SIPA1: variants seen among roughly 807,000 people sequenced by gnomAD.
SIPA1 encodes the protein signal-induced proliferation-associated protein 1.
A neutral mutation model predicts 88.1 loss-of-function variants in SIPA1; 51 were observed. The ratio of observed to expected loss-of-function variants is 0.58; its 90% CI spans 0.46 to 0.73. The LOEUF is 0.73. Among genes scored for constraint, SIPA1 ranks in the 30% least tolerant of loss-of-function variants. SIPA1 has a pLI of 0.00. For synonymous variants in SIPA1, 681 were observed against 664.8 expected (o/e 1.02, Z -0.37); for missense variants, 1,348 against 1,467.6 (o/e 0.92, Z 1.33).
In SIPA1 at chr11:65,646,556, C is replaced by A; in HGVS notation, c.1522C>A (p.Leu508Met). Residue 508 changes from leucine to methionine, a missense_variant, in exon 8 of 16, where the codon CTG (leucine) becomes ATG (methionine). This residue lies in a region of SIPA1 where 641 missense variants were observed against 797.7 expected (regional missense o/e 0.80). Coordinates refer to ENST00000534313, the MANE Select transcript of SIPA1 (RefSeq NM_006747.4). The surrounding 1 kb of genome is among the most constrained non-coding windows in gnomAD (Gnocchi z 7.5). ...CAACGCCGACTTCCGGGCCTTCCTG[C>A]TGGCCAAAGCGCTGAATGGTGAGCA... ...AANADFRAFL[L>M]AKALNGEQAA... 1.3e-6 allele frequency: 2 copies of A among 1,553,392 alleles called. No homozygotes were observed. The highest frequency in any genetic ancestry group is 8.7e-7 in the Non-Finnish European group (1 of 1,155,310).
Position 65,644,950 on chromosome 11 carries a change from C to A in SIPA1, c.985-5C>A. ...AGACCTATGCCTTCTGTCTCCCACC[C>A]ACAGCTGAGCTTCCAACGCAAGGTG... On this transcript the variant is annotated splice_region_variant and splice_polypyrimidine_tract_variant and intron_variant, in intron 4 of 15. Coordinates refer to ENST00000534313, the MANE Select transcript of SIPA1 (RefSeq NM_006747.4). The A allele has an allele frequency of 6.2e-7, 1 of 1,610,426 alleles. No individual in the cohort carries two copies. Among genetic ancestry groups the A allele is most frequent in the Admixed American group, 1.7e-5 (1 of 59,828 alleles).
intron 9 of SIPA1, 113 bp from the exon 10 acceptor site, chr11:65,649,149 T>A (rs1856198999): frequency 1.4e-6 from 1 of 731,116 alleles, no homozygotes; most frequent in African/African-American, 1.8e-5. Context: ...GTTGTCAGGA[T>A]GCCGGGGAGC....
At position 65,646,387 on chromosome 11, in the gene SIPA1, C is replaced by G; in HGVS notation, c.1421+9C>G. The G allele has an allele frequency of 6.2e-7, 1 of 1,607,864 alleles. No homozygotes were observed. The highest frequency in any genetic ancestry group is 8.5e-7 in the Non-Finnish European group (1 of 1,179,658). On this transcript the variant is annotated intron_variant, in intron 7 of 15. Transcript: ENST00000534313. This position sits in a 1 kb window ranked among gnomAD's most constrained non-coding sequence, Gnocchi z 7.5. Reference sequence around the variant, plus strand: ...CCACACACCACCTACAGGTGGGCACCGGAGTGGTCCCAGGTCTCCCGTGGG... The same window carrying G: ...CCACACACCACCTACAGGTGGGCACGGGAGTGGTCCCAGGTCTCCCGTGGG...
Position 65,646,055 on chromosome 11 carries a change from C to T in SIPA1, c.1263+98C>T. ...AGCTTTGGCCGGAGCTCTGTTGGCC[C>T]CAACAGCCCGCCCCTCTGGTGGCCC... On this transcript the variant is annotated intron_variant, in intron 6 of 15. Transcript: ENST00000534313. This position sits in a 1 kb window ranked among gnomAD's most constrained non-coding sequence, Gnocchi z 7.5. 7.9e-7 allele frequency: 1 copy of T among 1,262,028 alleles called. No individual in the cohort carries two copies. Among genetic ancestry groups the T allele is most frequent in the South Asian group, 1.3e-5 (1 of 75,472 alleles). 78.2% of individuals were successfully genotyped at this position (1,262,028 alleles called of 1,614,324 possible). A position where few individuals can be genotyped will look rare whatever the true frequency, so the allele number is the denominator to read the frequency against.
Position 65,642,437 on chromosome 11 carries a change from T to C in SIPA1, c.808-26T>C. The C allele has an allele frequency of 6.2e-7, 1 of 1,606,256 alleles. No individual in the cohort carries two copies. The highest frequency in any genetic ancestry group is 8.5e-7 in the Non-Finnish European group (1 of 1,175,988). On this transcript the variant is annotated intron_variant, in intron 3 of 15. Transcript: ENST00000534313. The surrounding 1 kb of genome is among the most constrained non-coding windows in gnomAD (Gnocchi z 6.5). Reference sequence around the variant, plus strand: ...CCTCCCCGACACCTTGTATGCATCCTGAGTGCCCTTACACCCCTTCCTCAG... The same window carrying C: ...CCTCCCCGACACCTTGTATGCATCCCGAGTGCCCTTACACCCCTTCCTCAG...
chr11:65,642,116 G>A lies in SIPA1; in HGVS notation c.680-134G>A, dbSNP rs1856016062. On this transcript the variant is annotated intron_variant, in intron 2 of 15. Coordinates refer to ENST00000534313, the MANE Select transcript of SIPA1 (RefSeq NM_006747.4). The surrounding 1 kb of genome is among the most constrained non-coding windows in gnomAD (Gnocchi z 6.5). ...GATATTGAGCTCGGGGCTACAGAGGGGCGGGACTTAGTCTAGGGTCAACAT... is the reference window on the plus strand; with the variant it reads ...GATATTGAGCTCGGGGCTACAGAGGAGCGGGACTTAGTCTAGGGTCAACAT... The A allele has an allele frequency of 1.6e-6, 2 of 1,260,266 alleles. No individual in the cohort carries two copies. The highest frequency in any genetic ancestry group is 2.2e-6 in the Non-Finnish European group (2 of 913,232). 78.1% of individuals were successfully genotyped at this position (1,260,266 alleles called of 1,614,324 possible).
At chr11:65,649,218 C>A in intron 9 of SIPA1, 44 bp from the exon 10 acceptor site, 2 of 1,381,316 alleles carry the variant, frequency 1.4e-6, no homozygotes, top group Non-Finnish European at 2.0e-6. Flanking sequence ...ATGCAGGACG[C>A]TGGGGACTGG....
Position 65,647,418 on chromosome 11 carries a change from C to A in SIPA1, c.2066C>A (p.Ala689Glu), listed in dbSNP as rs1291883310. 4.1e-6 allele frequency: 6 copies of A among 1,471,020 alleles called. No individual in the cohort carries two copies. The highest frequency in any genetic ancestry group is 4.5e-6 in the Non-Finnish European group (5 of 1,118,340). The allele number at this position is 1,471,020 out of a possible 1,614,324, so 91.1% of individuals were successfully genotyped here. A position where few individuals can be genotyped will look rare whatever the true frequency, so the allele number is the denominator to read the frequency against. Residue 689 changes from alanine to glutamate, a missense_variant, in exon 9 of 16, where the codon GCG becomes GAG. Around this residue, in one of 4 missense-constraint regions of SIPA1, gnomAD observed 615 missense variants for 559.8 expected, o/e 1.10. Transcript: ENST00000534313. ...VSRGCETREL[A>E]LPRDGQGRLG... Reference sequence around the variant, plus strand: ...CGTGGCTGCGAGACCCGCGAGCTGGCGCTGCCCCGCGACGGTCAAGGCCGC... The same window carrying A: ...CGTGGCTGCGAGACCCGCGAGCTGGAGCTGCCCCGCGACGGTCAAGGCCGC...
In SIPA1 at chr11:65,638,501, C is replaced by T. The variant is rs978454660; in HGVS notation, c.-92+319C>T. 7.7e-4 allele frequency: 118 copies of T among 152,392 alleles called. 1 individual carries two copies. The highest frequency in any genetic ancestry group is 3.8e-4 in the Non-Finnish European group (26 of 68,094). 9.4% of individuals were successfully genotyped at this position (152,392 alleles called of 1,614,324 possible). A position where few individuals can be genotyped will look rare whatever the true frequency, so the allele number is the denominator to read the frequency against. The stretch of plus-strand genomic sequence containing the variant: ...CTCAACACTGCAAGTGTGTGCGGGG[C>T]TCCCCCTTATTCTGAGGCTCCTCTT... On this transcript the variant is annotated intron_variant, in intron 1 of 15. Transcript: ENST00000534313.
At chr11:65,645,980 G>C (rs1280459029) in intron 6 of SIPA1, 23 bp downstream of exon 6, 1 of 1,566,790 alleles carries the variant, frequency 6.4e-7, no homozygotes, top group Admixed American at 1.7e-5. Context: ...CCAACGTGGG[G>C]GTGGGGCTTC....
In SIPA1 at chr11:65,642,132, G is replaced by A; in HGVS notation, c.680-118G>A. ...CTACAGAGGGGCGGGACTTAGTCTA[G>A]GGTCAACATTTGGTGGTGAGATGAA... On this transcript the variant is annotated intron_variant, in intron 2 of 15. Transcript: ENST00000534313. This position sits in a 1 kb window ranked among gnomAD's most constrained non-coding sequence, Gnocchi z 6.5. 2 of 1,377,314 alleles carry A rather than the reference G, an allele frequency of 1.5e-6. No homozygotes were observed. The highest frequency in any genetic ancestry group is 2.0e-6 in the Non-Finnish European group (2 of 1,015,168). 85.3% of individuals were successfully genotyped at this position (1,377,314 alleles called of 1,614,324 possible). A position where few individuals can be genotyped will look rare whatever the true frequency, so the allele number is the denominator to read the frequency against.
Position 65,645,851 on chromosome 11 carries a change from C to A in SIPA1, c.1160-3C>A. 1 of 1,607,652 alleles carries A rather than the reference C, an allele frequency of 6.2e-7. No individual in the cohort carries two copies. Among genetic ancestry groups the A allele is most frequent in the Non-Finnish European group, 8.5e-7 (1 of 1,175,864 alleles). On this transcript the variant is annotated splice_polypyrimidine_tract_variant and splice_region_variant and intron_variant, in intron 5 of 15. Coordinates refer to ENST00000534313, the MANE Select transcript of SIPA1 (RefSeq NM_006747.4). ...TTCTGTGTCCCTAACTTCCTGGCCA[C>A]AGCGGATTCCACAGGCACGCACTCC... is the stretch of plus-strand genomic sequence containing the variant.
In SIPA1 at chr11:65,649,817, G is replaced by A. The variant is rs779327985; in HGVS notation, c.2698G>A (p.Ala900Thr). Residue 900 changes from alanine to threonine, a missense_variant, in exon 12 of 16, where the codon GCC (alanine) becomes ACC (threonine). By Grantham distance (58) the Ala-to-Thr change is moderately conservative. Around this residue, in one of 4 missense-constraint regions of SIPA1, gnomAD observed 615 missense variants for 559.8 expected, o/e 1.10. Transcript: ENST00000534313. Reference sequence around the variant, plus strand: ...GGGCAACCCGGCGCCGGAGCTGAGGGCCTCCTTTCTGCCACGTACCTTGTC... The same window carrying A: ...GGGCAACCCGGCGCCGGAGCTGAGGACCTCCTTTCTGCCACGTACCTTGTC... ...DKGNPAPELR[A>T]SFLPRTLSLR... 4 of 1,614,004 alleles carry A rather than the reference G, an allele frequency of 2.5e-6. No homozygotes were observed. Among genetic ancestry groups the A allele is most frequent in the Admixed American group, 1.7e-5 (1 of 60,004 alleles).
chr11:65,648,441 T>C lies in SIPA1; in HGVS notation c.2306+783T>C, dbSNP rs373674928. On this transcript the variant is annotated intron_variant, in intron 9 of 15. Coordinates refer to ENST00000534313, the MANE Select transcript of SIPA1 (RefSeq NM_006747.4). ...TCGTAGGTAAATGAATAAATAAATG[T>C]GCCTGTGTCTCGCTAAAACTTTATA... Among the ~76,000 whole-genome samples the C allele has an allele frequency of 2.0e-4, 30 of 152,346 alleles. No homozygotes were observed. In the East Asian group the frequency reaches 2.1e-3, roughly 11 times the overall value.
rs1291014028 is a variant in SIPA1 at position 65,649,600 on chromosome 11, C to A, written c.2565C>A (p.Thr855=). The change falls in exon 11 of 16, where the codon ACC becomes ACA. Residue 855 remains threonine, a synonymous_variant. Coordinates refer to ENST00000534313, the MANE Select transcript of SIPA1 (RefSeq NM_006747.4). ...AGGCCCCAGTCCTGCCCAACACCACCCCGGACCTCCTCCTGGCCACCACAG... is the reference window on the plus strand; with the variant it reads ...AGGCCCCAGTCCTGCCCAACACCACACCGGACCTCCTCCTGGCCACCACAG... The part of the protein sequence containing the change: ...SDEAPVLPNT[T]PDLLLATTAK... The A allele has an allele frequency of 5.0e-6, 8 of 1,614,002 alleles. No homozygotes were observed. The Admixed American group carries it at 1.2e-4, about 24-fold the overall frequency.
intron 1 of SIPA1, among the ~76,000 whole-genome samples, chr11:65,639,552 C>A (rs1282866179): frequency 6.6e-6 from 1 of 152,110 alleles, no homozygotes; most frequent in Non-Finnish European, 1.5e-5. Flanking sequence ...GTGTGTGGAG[C>A]CCCTCCTCCA....
At chr11:65,650,337 G>A in intron 14 of SIPA1, 64 bp from the exon 15 acceptor site, 1 of 1,572,752 alleles carries the variant, frequency 6.4e-7, no homozygotes, top group South Asian at 1.1e-5. Flanking sequence ...AGCTGGGGCT[G>A]GGAGTCAGCT....
chr11:65,647,688 G>C lies in SIPA1; in HGVS notation c.2306+30G>C, dbSNP rs1025171970. 9.1e-6 allele frequency: 12 copies of C among 1,320,894 alleles called. No homozygotes were observed. The African/African-American group carries it at 1.6e-4, about 17-fold the overall frequency. The allele number at this position is 1,320,894 out of a possible 1,614,324, so 81.8% of individuals were successfully genotyped here. ...GGGTGCCGGGGACGCGGGGAGGTGGGAGGGCCGGCAGTTGGCCACCGCGCA... is the reference window on the plus strand; with the variant it reads ...GGGTGCCGGGGACGCGGGGAGGTGGCAGGGCCGGCAGTTGGCCACCGCGCA... On this transcript the variant is annotated intron_variant, in intron 9 of 15. Coordinates refer to ENST00000534313, the MANE Select transcript of SIPA1 (RefSeq NM_006747.4).
At chr11:65,649,178 G>C (rs1233224445) in intron 9 of SIPA1, 84 bp from the exon 10 acceptor site, 2 of 1,003,474 alleles carry the variant, frequency 2.0e-6, no homozygotes, top group Admixed American at 5.8e-5. Context: ...TCCTGGAAGT[G>C]AGCCTGGCGG....
Sources: gnomAD v4.1 joint callset for allele counts (sites outside exome capture counted in the v4.1 genomes callset) on GRCh38, gnomAD v4.1.1 for gene constraint, gnomAD v4.1.1 regional missense constraint, Gnocchi (gnomAD v3.1) non-coding constraint, MANE v1.5 for transcripts, NCBI Gene and HGNC (gene_info 2026-07-23, HGNC 2026-07-21) for gene names.